The following SNRPA1 variants were observed in gnomAD, a reference collection of about 807,000 sequenced individuals.
The protein encoded by SNRPA1 is U2 small nuclear ribonucleoprotein A'.
Under a neutral mutation model 32.3 loss-of-function variants are expected in SNRPA1, and 5 were observed. That is an observed-to-expected ratio of 0.15 (90% CI 0.08 to 0.33). SNRPA1 has a LOEUF of 0.33. Ranked by LOEUF, SNRPA1 falls within the 10% of genes least tolerant of loss-of-function variation. The pLI, the probability that SNRPA1 is intolerant of heterozygous loss-of-function variation, is 1.00. For synonymous variants in SNRPA1, 111 were observed against 120.1 expected, an observed-to-expected ratio of 0.92 and a Z score of 0.50; for missense variants, 198 against 311.1, an observed-to-expected ratio of 0.64 and a Z score of 2.74.
intron 8 of SNRPA1, 130 bp downstream of exon 8, chr15:101,284,837 G>C: frequency 1.4e-6 from 1 of 737,348 alleles, no homozygotes; most frequent in Non-Finnish European, 2.4e-6. Flanking sequence ...CATTTAAAGA[G>C]ATTTCATATA....
rs1596471286 is a variant in SNRPA1, at chr15:101,288,175, A to G, written c.310-473T>C. 4.3e-5 allele frequency: 7 copies of G among 162,886 alleles called. No individual in the cohort carries two copies. The South Asian group carries it at 1.1e-3, about 25-fold the overall frequency. 10.1% of individuals were successfully genotyped at this position (162,886 alleles called of 1,614,324 possible). ...TAGCTGCCCCTGAAAATCTCTTTAA[A>G]TAAAATTTGCAGGGACAAGGAATAG... On this transcript the variant is annotated intron_variant, in intron 3 of 8. Transcript: ENST00000254193.
intron 6 of SNRPA1, 29 bp downstream of exon 6, chr15:101,286,185 T>C (rs766337077): frequency 2.3e-5 from 37 of 1,576,610 alleles, no homozygotes; most frequent in African/African-American, 5.4e-5. Flanking sequence ...GAAGGTGAAG[T>C]AGAGTTAAGT....
intron 3 of SNRPA1, among the ~76,000 whole-genome samples, chr15:101,291,436 A>G (rs1384036966): frequency 2.0e-5 from 3 of 152,242 alleles, no homozygotes; most frequent in Non-Finnish European, 1.5e-5. Flanking sequence ...AGGTGAAACT[A>G]ATTTTAATAA....
At chr15:101,285,698 C>A in intron 7 of SNRPA1, 28 bp downstream of exon 7, 1 of 1,498,856 alleles carries the variant, frequency 6.7e-7, no homozygotes, top group South Asian at 1.1e-5. Context: ...TAGCTCATTC[C>A]AGTCCAAGAA....
At chr15:101,286,160 T>C (rs2039452271) in intron 6 of SNRPA1, 54 bp downstream of exon 6, 1 of 1,449,448 alleles carries the variant, frequency 6.9e-7, no homozygotes, top group African/African-American at 1.4e-5. Context: ...GCCAGACAGA[T>C]CAGATCATGT....
intron 3 of SNRPA1, among the ~76,000 whole-genome samples, chr15:101,291,179 C>A (rs763142313): frequency 9.2e-5 from 14 of 152,182 alleles, no homozygotes; most frequent in African/African-American, 3.1e-4. Context: ...TGGCACCTGG[C>A]CTACAATATA....
chr15:101,281,690 A>T lies in SNRPA1; in HGVS notation c.*34T>A. 1 of 1,514,838 alleles carries T rather than the reference A, an allele frequency of 6.6e-7. No homozygotes were observed. Among genetic ancestry groups the T allele is most frequent in the Non-Finnish European group, 9.2e-7 (1 of 1,089,342 alleles). 93.8% of individuals were successfully genotyped at this position (1,514,838 alleles called of 1,614,324 possible). ...ATGTTCGAAAAGCAAGACTTGTTCCAAGAGGGCCTATTATTATACATCTGC... is the reference window on the plus strand; with the variant it reads ...ATGTTCGAAAAGCAAGACTTGTTCCTAGAGGGCCTATTATTATACATCTGC... On this transcript the variant is annotated 3_prime_UTR_variant, in exon 9 of 9. Coordinates refer to ENST00000254193, the MANE Select transcript of SNRPA1 (RefSeq NM_003090.4).
Position 101,292,053 on chromosome 15 carries a change from T to C in SNRPA1, c.231-13A>G. On this transcript the variant is annotated splice_polypyrimidine_tract_variant and intron_variant, in intron 2 of 8. Coordinates refer to ENST00000254193, the MANE Select transcript of SNRPA1 (RefSeq NM_003090.4). The stretch of plus-strand genomic sequence containing the variant: ...CTCACCTATACGGCTAAAATAAAAA[T>C]AGAGTCTTAGTAAAAGTGAAAATTA... The C allele has an allele frequency of 6.3e-7, 1 of 1,578,000 alleles. No individual in the cohort carries two copies.
chr15:101,292,686 C>T (rs911795253), intron 2 of SNRPA1, among the ~76,000 whole-genome samples: 1 of 151,176 alleles, frequency 6.6e-6, no homozygotes, highest in African/African-American at 2.4e-5. Flanking sequence ...TTTTAGAAGC[C>T]AAAATGTATA....
intron 1 of SNRPA1, 35 bp from the exon 2 acceptor site, chr15:101,293,207 A>C (rs768873170): frequency 1.4e-6 from 2 of 1,463,546 alleles, no homozygotes; most frequent in East Asian, 2.3e-5. Context: ...AAGAGGTATT[A>C]ATATAACTAA....
chr15:101,287,371 T>C (rs934390435), intron 4 of SNRPA1, among the ~76,000 whole-genome samples: 1 of 152,066 alleles, frequency 6.6e-6, no homozygotes, highest in Non-Finnish European at 1.5e-5. Flanking sequence ...TGTGTGATGT[T>C]CCCCTTCCTG....
At chr15:101,287,364 G>A (rs1272462896) in intron 4 of SNRPA1, among the ~76,000 whole-genome samples, 12 of 151,820 alleles carry the variant, frequency 7.9e-5, no homozygotes, top group Admixed American at 6.6e-4. Context: ...GCCCCGGTGT[G>A]TGATGTTCCC....
chr15:101,292,483 T>C (rs4965818), intron 2 of SNRPA1, among the ~76,000 whole-genome samples: 47,692 of 151,950 alleles, frequency 0.31, 7,648 homozygotes, highest in Admixed American at 0.37. Context: ...AGACATTATC[T>C]ATACACCAAG....
Position 101,295,091 on chromosome 15 carries a change from A to G in SNRPA1, c.82+6T>C. ...GGGGACTGGCCGCCCACGCCCCCGGACTCACCCCGGAGGTCCAGCTCCCGG... is the reference window on the plus strand; with the variant it reads ...GGGGACTGGCCGCCCACGCCCCCGGGCTCACCCCGGAGGTCCAGCTCCCGG... On this transcript the variant is annotated splice_donor_region_variant and intron_variant, in intron 1 of 8. Transcript: ENST00000254193. 6.6e-7 allele frequency: 1 copy of G among 1,508,364 alleles called. No homozygotes were observed. The highest frequency in any genetic ancestry group is 8.9e-7 in the Non-Finnish European group (1 of 1,128,568). The allele number at this position is 1,508,364 out of a possible 1,614,324, so 93.4% of individuals were successfully genotyped here.
intron 6 of SNRPA1, 54 bp from the exon 7 acceptor site, chr15:101,285,855 T>G: frequency 7.3e-7 from 1 of 1,374,080 alleles, no homozygotes; most frequent in Non-Finnish European, 1.0e-6. Flanking sequence ...AAGTTGCTTC[T>G]CTTTTACTTT....
intron 8 of SNRPA1, among the ~76,000 whole-genome samples, chr15:101,284,365 T>A (rs914083496): frequency 2.0e-5 from 3 of 152,232 alleles, no homozygotes; most frequent in Non-Finnish European, 4.4e-5. Context: ...TGAGGTATCA[T>A]GCACACACGC....
chr15:101,292,699 A>G (rs2039539837), intron 2 of SNRPA1: 1 of 171,220 alleles, frequency 5.8e-6, no homozygotes. Flanking sequence ...AATGTATACA[A>G]AGCAACATGT....
chr15:101,293,305 T>C, intron 1 of SNRPA1, 133 bp from the exon 2 acceptor site: 1 of 584,736 alleles, frequency 1.7e-6, no homozygotes, highest in Non-Finnish European at 2.9e-6. Flanking sequence ...AGCACCTATG[T>C]CGGGTCACGC....
At position 101,281,579 on chromosome 15, in the gene SNRPA1, T is replaced by C. The variant is rs1052363202; in HGVS notation, c.*145A>G. The C allele has an allele frequency of 4.9e-6, 3 of 616,346 alleles. No individual in the cohort carries two copies. The highest frequency in any genetic ancestry group is 4.1e-5 in the South Asian group (2 of 49,272). 38.2% of individuals were successfully genotyped at this position (616,346 alleles called of 1,614,324 possible). A position where few individuals can be genotyped will look rare whatever the true frequency, so the allele number is the denominator to read the frequency against. ...ATTGACATTTAGATTTCAAAACTTA[T>C]ATTACAAAATTATCAGCAGCAGTCT... is the stretch of plus-strand genomic sequence containing the variant. On this transcript the variant is annotated 3_prime_UTR_variant, in exon 9 of 9. Transcript: ENST00000254193.
Sources: gnomAD v4.1 joint callset for allele counts (sites outside exome capture counted in the v4.1 genomes callset) on GRCh38, gnomAD v4.1.1 for gene constraint, MANE v1.5 for transcripts, NCBI Gene and HGNC (gene_info 2026-07-23, HGNC 2026-07-21) for gene names.